The following MACROD2 variants were observed in gnomAD, a reference collection of about 807,000 sequenced individuals.
MACROD2 encodes the protein ADP-ribose glycohydrolase MACROD2.
A neutral mutation model predicts 70.4 loss-of-function variants in MACROD2; 36 were observed. The observed-to-expected ratio is 0.51, with a 90% CI of 0.39 to 0.68. The LOEUF is 0.68. MACROD2 is among the 30% of genes least tolerant of loss of function. The probability of loss-of-function intolerance (pLI) is 0.00; values close to 1 mark genes in which losing one functional copy is unlikely to be tolerated. For missense variants in MACROD2, 496 were observed against 538.4 expected (o/e 0.92, Z 0.78); for synonymous variants, 172 against 178.8 (o/e 0.96, Z 0.30).
intron 8 of MACROD2, among the ~76,000 whole-genome samples, chr20:15,607,831 G>C (rs1411084108): frequency 6.6e-6 from 1 of 152,192 alleles, no homozygotes; most frequent in Non-Finnish European, 1.5e-5. Context: ...ACCGCGCCCG[G>C]CTGCAATAAA....
chr20:14,795,536 C>T (rs1433422269), intron 5 of MACROD2, among the ~76,000 whole-genome samples: 1 of 151,832 alleles, frequency 6.6e-6, no homozygotes, highest in South Asian at 2.1e-4. Flanking sequence ...GGAATAGATA[C>T]CTGAAAGAGT....
At chr20:14,116,105 C>T (rs1296738217) in intron 3 of MACROD2, among the ~76,000 whole-genome samples, 2 of 152,050 alleles carry the variant, frequency 1.3e-5, no homozygotes, top group East Asian at 3.9e-4. Context: ...TAGATTTTGA[C>T]CCTGTTGTAA....
At chr20:15,885,624 C>A in intron 9 of MACROD2, 140 bp from the exon 10 acceptor site, 1 of 714,682 alleles carries the variant, frequency 1.4e-6, no homozygotes, top group African/African-American at 1.9e-5. Flanking sequence ...AATAAGACAA[C>A]AGAAATGCAT....
chr20:14,103,238 T>A (rs2054322549), intron 3 of MACROD2, among the ~76,000 whole-genome samples: 1 of 152,190 alleles, frequency 6.6e-6, no homozygotes, highest in African/African-American at 2.4e-5. Flanking sequence ...TTTTTTGTTT[T>A]CCTACTTTGA....
Position 16,044,624 on chromosome 20 carries a change from G to A in MACROD2, c.1285G>A (p.Glu429Lys). 1 of 1,612,128 alleles carries A rather than the reference G, an allele frequency of 6.2e-7. No individual in the cohort carries two copies. The highest frequency in any genetic ancestry group is 2.2e-5 in the East Asian group (1 of 44,782). Residue 429 changes from glutamate to lysine, a missense_variant, in exon 17 of 18, where the codon GAA becomes AAA. Coordinates refer to ENST00000684519, the MANE Select transcript of MACROD2 (RefSeq NM_001351661.2). Reference protein sequence around the residue: ...KVNDPTESQQEDQLIAGAQDE... With the variant: ...KVNDPTESQQKDQLIAGAQDE... ...AAATGACCCAACAGAGAGTCAACAA[G>A]AAGATCAACTAATAGGTAAGATGCC...
intron 8 of MACROD2, among the ~76,000 whole-genome samples, chr20:15,755,887 ACT>A (rs1421504744): frequency 5.9e-5 from 9 of 152,234 alleles, no homozygotes; most frequent in Non-Finnish European, 1.3e-4. Context: ...CAGGAAACAA[ACT>A]CTAACCTCTT....
intron 4 of MACROD2, among the ~76,000 whole-genome samples, chr20:14,601,651 T>G (rs1982506086): frequency 6.6e-6 from 1 of 152,178 alleles, no homozygotes; most frequent in Non-Finnish European, 1.5e-5. Context: ...TTTTCTTATT[T>G]CTTTTTTAAT....
intron 5 of MACROD2, among the ~76,000 whole-genome samples, chr20:15,217,121 T>C (rs1252283022): frequency 6.6e-6 from 1 of 152,100 alleles, no homozygotes; most frequent in Non-Finnish European, 1.5e-5. Flanking sequence ...CAAGAAGTAG[T>C]AGAAGCAAAG....
intron 3 of MACROD2, among the ~76,000 whole-genome samples, chr20:14,453,390 G>A (rs1271398526): frequency 2.0e-5 from 3 of 152,090 alleles, no homozygotes; most frequent in Non-Finnish European, 4.4e-5. Context: ...TGGCTGTGTT[G>A]CTTTGGAGTG....
intron 5 of MACROD2, among the ~76,000 whole-genome samples, chr20:14,845,271 A>G (rs1335450922): frequency 2.0e-5 from 3 of 152,126 alleles, no homozygotes; most frequent in Admixed American, 1.3e-4. Flanking sequence ...CTGACAGCCT[A>G]GTTACAATGA....
In MACROD2 at chr20:14,751,574, T is replaced by A. The variant is rs182979406; in HGVS notation, c.418+66615T>A. 2.6e-5 allele frequency among the ~76,000 whole-genome samples: 4 copies of A among 152,212 alleles called. No individual in the cohort carries two copies. In the East Asian group the frequency reaches 7.7e-4, roughly 29 times the overall value. ...CTTCAGGGGCAAACAATTCTGAAGTTAAATAAAGCACTGCCTAGTTCTTGT... is the reference window on the plus strand; with the variant it reads ...CTTCAGGGGCAAACAATTCTGAAGTAAAATAAAGCACTGCCTAGTTCTTGT... On this transcript the variant is annotated intron_variant, in intron 5 of 17. Coordinates refer to ENST00000684519, the MANE Select transcript of MACROD2 (RefSeq NM_001351661.2).
chr20:14,827,290 TCCTTTCACAGCGACCGCA>T (rs2072912649), intron 5 of MACROD2, among the ~76,000 whole-genome samples: 1 of 152,270 alleles, frequency 6.6e-6, no homozygotes, highest in East Asian at 1.9e-4. Flanking sequence ...GTAGTTAGTC[TCCTTTCACAGCGACCGCA>T]TTAAGTAGGA....
Position 15,953,357 on chromosome 20 carries a change from G to A in MACROD2, c.908-14196G>A, listed in dbSNP as rs116233134. ...ACATTATAGTTTCCAATAGCCAGAA[G>A]GAGTATATTGAATGTTCCCAAAACA... On this transcript the variant is annotated intron_variant, in intron 12 of 17. Coordinates refer to ENST00000684519, the MANE Select transcript of MACROD2 (RefSeq NM_001351661.2). 8.2e-3 allele frequency among the ~76,000 whole-genome samples: 1,249 copies of A among 152,178 alleles called. 11 individuals are homozygous for A. The highest frequency in any genetic ancestry group is 0.027 in the African/African-American group (1,133 of 41,512).
At chr20:14,997,467 TG>T (rs2074959773) in intron 5 of MACROD2, among the ~76,000 whole-genome samples, 1 of 152,084 alleles carries the variant, frequency 6.6e-6, no homozygotes, top group African/African-American at 2.4e-5. Flanking sequence ...GCTTCAGGTG[TG>T]ACTCACTGCA....
chr20:14,095,171 C>T (rs2054205628), intron 3 of MACROD2, among the ~76,000 whole-genome samples: 1 of 152,140 alleles, frequency 6.6e-6, no homozygotes, highest in Non-Finnish European at 1.5e-5. Context: ...AATCTAATAT[C>T]AGTTCACTTA....
chr20:15,268,799 A>G (rs422001), intron 6 of MACROD2, among the ~76,000 whole-genome samples: 47,681 of 152,066 alleles, frequency 0.31, 8,675 homozygotes, highest in African/African-American at 0.51. Context: ...TAACTAATGA[A>G]CAAATAAATG....
rs143766703 is a variant in MACROD2, at chr20:14,684,725, C to A, written c.302-118C>A. 1.7e-4 allele frequency: 114 copies of A among 686,928 alleles called. No individual in the cohort carries two copies. The African/African-American group carries it at 1.7e-3, about 10-fold the overall frequency. The allele number at this position is 686,928 out of a possible 1,614,324, so 42.6% of individuals were successfully genotyped here. A position where few individuals can be genotyped will look rare whatever the true frequency, so the allele number is the denominator to read the frequency against. On this transcript the variant is annotated intron_variant, in intron 4 of 17. Coordinates refer to ENST00000684519, the MANE Select transcript of MACROD2 (RefSeq NM_001351661.2). ...AACATTGGACACCCTGGGTTTTCTT[C>A]CACGGGCTATGGTTATTTACAGGAA...
intron 6 of MACROD2, among the ~76,000 whole-genome samples, chr20:15,266,968 G>A (rs373646806): frequency 6.6e-6 from 1 of 152,240 alleles, no homozygotes; most frequent in African/African-American, 2.4e-5. Context: ...TTGTTCTTGT[G>A]GCTTAGCAGC....
At chr20:15,633,647 A>G (rs1042272201) in intron 8 of MACROD2, among the ~76,000 whole-genome samples, 1 of 152,048 alleles carries the variant, frequency 6.6e-6, no homozygotes, top group Non-Finnish European at 1.5e-5. Context: ...CTGGGTTGCT[A>G]TTAATAATCA....
Sources: gnomAD v4.1 joint callset for allele counts (sites outside exome capture counted in the v4.1 genomes callset) on GRCh38, gnomAD v4.1.1 for gene constraint, MANE v1.5 for transcripts, NCBI Gene and HGNC (gene_info 2026-07-23, HGNC 2026-07-21) for gene names.